Variants in PPP6R2 observed in about 807,000 individuals in gnomAD.
The protein encoded by PPP6R2 is serine/threonine-protein phosphatase 6 regulatory subunit 2.
Under a neutral mutation model 100.2 loss-of-function variants are expected in PPP6R2, and 62 were observed. The ratio of observed to expected loss-of-function variants is 0.62; its 90% confidence interval spans 0.50 to 0.76. The LOEUF (loss-of-function observed/expected upper bound fraction) is 0.76. Among genes scored for constraint, PPP6R2 ranks in the 30% least tolerant of loss-of-function variants. PPP6R2 has a pLI of 0.00. For synonymous variants in PPP6R2, 525 were observed against 514.7 expected (o/e 1.02, Z -0.27); for missense variants, 1,142 against 1,276.3 (o/e 0.89, Z 1.60).
chr22:50,369,644 T>G (rs1436335681), intron 1 of PPP6R2, among the ~76,000 whole-genome samples: 3 of 152,104 alleles, frequency 2.0e-5, no homozygotes, highest in Admixed American at 6.6e-5. Flanking sequence ...CTCCTGAGTA[T>G]CTGGGATTAG....
In PPP6R2 at chr22:50,439,628, G is replaced by A. The variant is rs564648687; in HGVS notation, c.2129-73G>A. 1.4e-3 allele frequency: 2,014 copies of A among 1,443,220 alleles called. 7 individuals carry two copies. Among genetic ancestry groups the A allele is most frequent in the Middle Eastern group, 2.9e-3 (12 of 4,184 alleles). 89.4% of individuals were successfully genotyped at this position (1,443,220 alleles called of 1,614,324 possible). ...AACCTCTGAGGGGCTCCCGGGGCAG[G>A]GGCGCTGCCTCCCCTTTGCCTGCAG... On this transcript the variant is annotated intron_variant, in intron 19 of 23. Coordinates refer to ENST00000612753, the MANE Select transcript of PPP6R2 (RefSeq NM_001242898.2).
Position 50,431,839 on chromosome 22 carries a change from G to A in PPP6R2, c.1336-426G>A, listed in dbSNP as rs2063201148. Among the ~76,000 whole-genome samples, 1 of 152,210 alleles carries A rather than the reference G, an allele frequency of 6.6e-6. No homozygotes were observed. On this transcript the variant is annotated intron_variant, in intron 11 of 23. Coordinates refer to ENST00000612753, the MANE Select transcript of PPP6R2 (RefSeq NM_001242898.2). The surrounding 1 kb of genome is among the most constrained non-coding windows in gnomAD (Gnocchi z 4.8). Reference sequence around the variant, plus strand: ...CCCAGGAAAAACATCTCAGGTACAAGAAGTGATCTGTGTCAGGGCCTGGAG... The same window carrying A: ...CCCAGGAAAAACATCTCAGGTACAAAAAGTGATCTGTGTCAGGGCCTGGAG...
chr22:50,331,614 A>AT, the PPP6R2 span, among the ~76,000 whole-genome samples: 4 of 151,608 alleles, frequency 2.6e-5, no homozygotes, highest in African/African-American at 7.3e-5. Flanking sequence ...TTTTTTGCCT[A>AT]TTTTTTTTAA....
At position 50,353,580 on chromosome 22, in the gene PPP6R2, C is replaced by T. The variant is rs189245507; in HGVS notation, c.-148+10030C>T. 1.6e-4 allele frequency among the ~76,000 whole-genome samples: 25 copies of T among 152,170 alleles called. 1 individual carries two copies. The East Asian group carries it at 1.7e-3, about 11-fold the overall frequency. On this transcript the variant is annotated intron_variant, in intron 1 of 23. Coordinates refer to ENST00000612753, the MANE Select transcript of PPP6R2 (RefSeq NM_001242898.2). ...ATTACCAGAATGCAACACAGAGACA[C>T]GAAGTAAGCACATGCTGTTGGAAAA...
chr22:50,400,585 A>C (rs6417776), intron 3 of PPP6R2, among the ~76,000 whole-genome samples: 1 of 151,956 alleles, frequency 6.6e-6, no homozygotes, highest in Non-Finnish European at 1.5e-5. Flanking sequence ...TCAATTTCCC[A>C]GTAATGTGGA....
At chr22:50,440,680 A>G in intron 21 of PPP6R2, 142 bp from the exon 22 acceptor site, 6 of 939,182 alleles carry the variant, frequency 6.4e-6, no homozygotes, top group Non-Finnish European at 8.3e-6. Flanking sequence ...CTGCCTCATC[A>G]TGCGGCTCCC....
chr22:50,354,770 A>G (rs756816722), intron 1 of PPP6R2, among the ~76,000 whole-genome samples: 5 of 152,044 alleles, frequency 3.3e-5, no homozygotes, highest in Non-Finnish European at 5.9e-5. Context: ...ACTGCACTCC[A>G]GCCTGGATGA....
intron 19 of PPP6R2, among the ~76,000 whole-genome samples, chr22:50,439,234 G>A (rs2065060188): frequency 6.6e-6 from 1 of 152,228 alleles, no homozygotes; most frequent in African/African-American, 2.4e-5. Flanking sequence ...CGGGGGCAGA[G>A]ATCTCTGTTA....
intron 2 of PPP6R2, among the ~76,000 whole-genome samples, chr22:50,372,767 C>T (rs1221878397): frequency 6.6e-6 from 1 of 151,292 alleles, no homozygotes; most frequent in Non-Finnish European, 1.5e-5. Context: ...CGGCTCACTG[C>T]AACCTCCACC....
intron 2 of PPP6R2, among the ~76,000 whole-genome samples, chr22:50,393,166 G>A (rs1173435817): frequency 6.6e-6 from 1 of 152,204 alleles, no homozygotes; most frequent in Non-Finnish European, 1.5e-5. Context: ...CAGAGGAGGG[G>A]CTGGATCAGT....
At chr22:50,379,372 C>A (rs960020873) in intron 2 of PPP6R2, among the ~76,000 whole-genome samples, 1 of 151,962 alleles carries the variant, frequency 6.6e-6, no homozygotes, top group Non-Finnish European at 1.5e-5. Flanking sequence ...TGGTGCATGC[C>A]TGTAGTTCCA....
chr22:50,424,602 A>G (rs1353379842), intron 10 of PPP6R2, among the ~76,000 whole-genome samples: 1 of 151,164 alleles, frequency 6.6e-6, no homozygotes, highest in Non-Finnish European at 1.5e-5. Flanking sequence ...AGCAATTACA[A>G]AAGAGACCTA....
upstream of PPP6R2, among the ~76,000 whole-genome samples, chr22:50,340,600 G>GTGTGGT (rs1555946591): frequency 1.4e-5 from 2 of 147,394 alleles, no homozygotes; most frequent in African/African-American, 5.1e-5. Context: ...GTGTGTGTGT[G>GTGTGGT]GTGTGTGGTG....
chr22:50,406,980 C>G (rs2059046891), intron 4 of PPP6R2, 105 bp downstream of exon 4: 1 of 1,182,334 alleles, frequency 8.5e-7, no homozygotes, highest in African/African-American at 1.5e-5. Flanking sequence ...GCCGCGGGAA[C>G]AGCATCTGTG....
chr22:50,361,160 G>A (rs746439317), intron 1 of PPP6R2, among the ~76,000 whole-genome samples: 3 of 152,156 alleles, frequency 2.0e-5, no homozygotes, highest in African/African-American at 7.2e-5. Context: ...GTCCTGGGTA[G>A]TGCCTTCCTG....
chr22:50,437,403 C>G, intron 15 of PPP6R2, 103 bp from the exon 16 acceptor site: 2 of 805,630 alleles, frequency 2.5e-6, no homozygotes, highest in South Asian at 1.6e-5. Flanking sequence ...GAGAAGCTCC[C>G]GAACAACTAG....
intron 4 of PPP6R2, 23 bp from the exon 5 acceptor site, chr22:50,414,529 C>T: frequency 1.2e-6 from 2 of 1,612,632 alleles, no homozygotes; most frequent in Non-Finnish European, 8.5e-7. Flanking sequence ...CCCCGCCTGC[C>T]TCTCAGGTGT....
In PPP6R2 at chr22:50,406,750, G is replaced by C. The variant is rs768700418; in HGVS notation, c.289G>C (p.Gly97Arg). 13 of 1,614,078 alleles carry C rather than the reference G, an allele frequency of 8.1e-6. No homozygotes were observed. Among genetic ancestry groups the C allele is most frequent in the Non-Finnish European group, 1.1e-5 (13 of 1,179,990 alleles). The change falls in exon 4 of 24, where the codon GGT becomes CGT. Residue 97 changes from glycine to arginine, a missense_variant. Around this residue, in one of 2 missense-constraint regions of PPP6R2, gnomAD observed 592 missense variants for 758.9 expected, o/e 0.78. Transcript: ENST00000612753. ...CDVPQISDRL[G>R]GDESLLSLLY... ...TGTGCCGCAGATCAGCGACCGCCTC[G>C]GTGGGGACGAGAGCCTGCTGAGCCT...
chr22:50,337,740 G>T, the PPP6R2 span, among the ~76,000 whole-genome samples: 1 of 148,260 alleles, frequency 6.7e-6, no homozygotes, highest in Non-Finnish European at 1.5e-5. Flanking sequence ...TATGTAGTGT[G>T]TGTGGTATGT....
Sources: allele counts gnomAD v4.1 joint callset (sites outside exome capture counted in the v4.1 genomes callset), GRCh38; gene constraint gnomAD v4.1.1; regional missense constraint gnomAD v4.1.1; non-coding constraint Gnocchi (gnomAD v3.1); transcripts MANE v1.5; gene names NCBI Gene and HGNC (gene_info 2026-07-23, HGNC 2026-07-21).